Variants in XRCC4 observed in about 807,000 individuals in gnomAD.
XRCC4 encodes the protein X-ray repair cross complementing 4, also known as DNA repair protein XRCC4.
XRCC4 carries 28 observed loss-of-function variants against 39.1 expected under a neutral mutation model. The ratio of observed to expected loss-of-function variants is 0.72; its 90% CI spans 0.53 to 0.98. XRCC4 has a LOEUF of 0.98. Ranked by LOEUF, XRCC4 falls within the 50% of genes least tolerant of loss-of-function variation. XRCC4 has a pLI of 0.00. For missense variants in XRCC4, 350 were observed against 376.4 expected (o/e 0.93, Z 0.58); for synonymous variants, 123 against 126.4 (o/e 0.97, Z 0.18).
intron 6 of XRCC4, among the ~76,000 whole-genome samples, chr5:83,237,502 T>TA (rs971354212): frequency 9.3e-5 from 14 of 151,286 alleles, no homozygotes; most frequent in African/African-American, 3.2e-4. Flanking sequence ...ATGTGGGAGC[T>TA]AAAAAAAATG....
At chr5:83,148,283 G>C (rs1327869760) in intron 3 of XRCC4, among the ~76,000 whole-genome samples, 3 of 152,018 alleles carry the variant, frequency 2.0e-5, no homozygotes, top group African/African-American at 7.2e-5. Flanking sequence ...CAGTTTTGGT[G>C]GTTATTGTAT....
intron 3 of XRCC4, among the ~76,000 whole-genome samples, chr5:83,151,254 G>T (rs1274279438): frequency 6.6e-6 from 1 of 152,018 alleles, no homozygotes; most frequent in African/African-American, 2.4e-5. Flanking sequence ...TCATAGGGTA[G>T]TCTTTTATAT....
At chr5:83,267,155 G>A (rs1455730536) in intron 7 of XRCC4, among the ~76,000 whole-genome samples, 1 of 152,176 alleles carries the variant, frequency 6.6e-6, no homozygotes, top group East Asian at 1.9e-4. Flanking sequence ...GATAAAATCA[G>A]AGAAGACTGA....
At chr5:83,279,427 T>G (rs1030949490) in intron 7 of XRCC4, among the ~76,000 whole-genome samples, 3 of 152,162 alleles carry the variant, frequency 2.0e-5, no homozygotes, top group African/African-American at 7.2e-5. Flanking sequence ...AAAACAATTT[T>G]TAAAATACCA....
chr5:83,248,381 A>G (rs907942830), intron 6 of XRCC4, among the ~76,000 whole-genome samples: 1 of 152,204 alleles, frequency 6.6e-6, no homozygotes, highest in Non-Finnish European at 1.5e-5. Context: ...TTGGCCATGT[A>G]TAAACTATAG....
chr5:83,225,244 A>G (rs1032564141), intron 6 of XRCC4, among the ~76,000 whole-genome samples: 1 of 152,052 alleles, frequency 6.6e-6, no homozygotes, highest in Admixed American at 6.6e-5. Flanking sequence ...GACCAATGTA[A>G]TAGGAGCCAG....
intron 3 of XRCC4, among the ~76,000 whole-genome samples, chr5:83,191,929 T>C (rs1750713961): frequency 6.6e-6 from 1 of 152,136 alleles, no homozygotes; most frequent in Non-Finnish European, 1.5e-5. Flanking sequence ...TAAAAAGAAC[T>C]TGGCCTGGGC....
chr5:83,332,592 A>G (rs1047982080), intron 7 of XRCC4, among the ~76,000 whole-genome samples: 4 of 152,198 alleles, frequency 2.6e-5, no homozygotes, highest in Non-Finnish European at 5.9e-5. Context: ...TTTGCACTAT[A>G]AGAGGTAAAT....
At chr5:83,287,244 A>G (rs987532160) in intron 7 of XRCC4, among the ~76,000 whole-genome samples, 3 of 152,094 alleles carry the variant, frequency 2.0e-5, no homozygotes, top group African/African-American at 7.2e-5. Flanking sequence ...CTGCCCATTC[A>G]TAACATTTCA....
At chr5:83,105,676 GCCTTATATTTT>G (rs1746164797) in intron 2 of XRCC4, among the ~76,000 whole-genome samples, 1 of 151,952 alleles carries the variant, frequency 6.6e-6, no homozygotes, top group African/African-American at 2.4e-5. Flanking sequence ...AAAATATGTA[GCCTTATATTTT>G]CCTTATATAC....
intron 7 of XRCC4, among the ~76,000 whole-genome samples, chr5:83,282,762 A>T (rs976008449): frequency 2.0e-5 from 3 of 152,148 alleles, no homozygotes. Context: ...GAATGGCACG[A>T]ACCCGGAAGG....
intron 7 of XRCC4, among the ~76,000 whole-genome samples, chr5:83,334,154 T>C (rs1756521934): frequency 6.6e-6 from 1 of 152,194 alleles, no homozygotes; most frequent in African/African-American, 2.4e-5. Context: ...ATCTATGTTG[T>C]ACTTTAATCT....
At chr5:83,308,937 C>A (rs1203519180) in intron 7 of XRCC4, among the ~76,000 whole-genome samples, 1 of 151,748 alleles carries the variant, frequency 6.6e-6, no homozygotes, top group Non-Finnish European at 1.5e-5. Flanking sequence ...CCATATTTTT[C>A]ATTTATTGCA....
At chr5:83,364,156 A>G in the XRCC4 span, among the ~76,000 whole-genome samples, 1 of 152,230 alleles carries the variant, frequency 6.6e-6, no homozygotes, top group Non-Finnish European at 1.5e-5. Flanking sequence ...TTTTGATCCC[A>G]GGACAACTAA....
At chr5:83,310,176 T>TG (rs1010980137) in intron 7 of XRCC4, among the ~76,000 whole-genome samples, 16 of 152,234 alleles carry the variant, frequency 1.1e-4, no homozygotes, top group South Asian at 4.1e-4. Context: ...GCTGAAGTGA[T>TG]GGGGGAAGAT....
intron 7 of XRCC4, among the ~76,000 whole-genome samples, chr5:83,265,552 T>G (rs1210742563): frequency 6.6e-6 from 1 of 152,212 alleles, no homozygotes; most frequent in Non-Finnish European, 1.5e-5. Context: ...ATTTATTAAT[T>G]GTGTTTGTGA....
intron 6 of XRCC4, among the ~76,000 whole-genome samples, chr5:83,219,980 A>G (rs28360163): frequency 0.016 from 2,390 of 152,162 alleles, 57 homozygotes; most frequent in African/African-American, 0.054. Flanking sequence ...ATAGATTTAT[A>G]TTACTTTGAA....
intron 3 of XRCC4, among the ~76,000 whole-genome samples, chr5:83,188,580 A>G (rs1180301879): frequency 1.3e-5 from 2 of 152,050 alleles, no homozygotes; most frequent in African/African-American, 4.8e-5. Context: ...GCATGGTGCC[A>G]GTGTCTGTTC....
At chr5:83,300,082 G>A (rs1164021412) in intron 7 of XRCC4, among the ~76,000 whole-genome samples, 1 of 152,134 alleles carries the variant, frequency 6.6e-6, no homozygotes, top group African/African-American at 2.4e-5. Flanking sequence ...TCAATGATTT[G>A]AGGTTGTTTT....
Sources: allele counts gnomAD v4.1 joint callset (sites outside exome capture counted in the v4.1 genomes callset), GRCh38; gene constraint gnomAD v4.1.1; transcripts MANE v1.5; gene names NCBI Gene and HGNC (gene_info 2026-07-23, HGNC 2026-07-21).